SUGCT: variants seen among roughly 807,000 people sequenced by gnomAD.
SUGCT encodes succinyl-CoA:glutarate-CoA transferase.
A neutral mutation model predicts 55.0 loss-of-function variants in SUGCT; 41 were observed. The ratio of observed to expected loss-of-function variants is 0.74; its 90% CI spans 0.58 to 0.97. SUGCT has a LOEUF of 0.97. SUGCT is among the 50% of genes least tolerant of loss of function. The pLI is 0.00. For synonymous variants in SUGCT, 187 were observed against 200.4 expected (o/e 0.93, Z 0.56); for missense variants, 568 against 547.8 (o/e 1.04, Z -0.37).
intron 6 of SUGCT, among the ~76,000 whole-genome samples, chr7:40,196,815 T>C (rs1292283368): frequency 6.6e-6 from 1 of 152,034 alleles, no homozygotes; most frequent in African/African-American, 2.4e-5. Flanking sequence ...GCAGAGCACA[T>C]GATAGGGGTT....
chr7:40,694,422 G>T (rs1784833900), intron 12 of SUGCT, among the ~76,000 whole-genome samples: 2 of 152,204 alleles, frequency 1.3e-5, no homozygotes, highest in Admixed American at 6.5e-5. Context: ...CTGGCCCTTA[G>T]CTTCTTTGCA....
At chr7:40,872,699 T>C in the SUGCT span, among the ~76,000 whole-genome samples, 1 of 152,238 alleles carries the variant, frequency 6.6e-6, no homozygotes, top group Non-Finnish European at 1.5e-5. Flanking sequence ...AGAAAATAGA[T>C]GGACAGTTTT....
chr7:40,912,535 G>A, the SUGCT span, among the ~76,000 whole-genome samples: 1 of 152,010 alleles, frequency 6.6e-6, no homozygotes, highest in Non-Finnish European at 1.5e-5. Context: ...TTTTGTTTTG[G>A]TCGACAGTTG....
At chr7:40,798,200 C>T (rs921925407) in intron 13 of SUGCT, among the ~76,000 whole-genome samples, 2 of 152,128 alleles carry the variant, frequency 1.3e-5, no homozygotes, top group Non-Finnish European at 2.9e-5. Context: ...TTTTCCCTTC[C>T]CAGTGATCTT....
intron 1 of SUGCT, among the ~76,000 whole-genome samples, chr7:40,139,066 G>A (rs1045364325): frequency 6.6e-6 from 1 of 151,730 alleles, no homozygotes; most frequent in Non-Finnish European, 1.5e-5. Flanking sequence ...CTGAGGTCAG[G>A]AGTGAGCCGA....
At chr7:40,250,065 G>A (rs1790261185) in intron 7 of SUGCT, among the ~76,000 whole-genome samples, 1 of 152,124 alleles carries the variant, frequency 6.6e-6, no homozygotes, top group African/African-American at 2.4e-5. Flanking sequence ...GGGATTATAG[G>A]TGTGAGCCAC....
At chr7:40,905,534 A>T in the SUGCT span, among the ~76,000 whole-genome samples, 1 of 152,170 alleles carries the variant, frequency 6.6e-6, no homozygotes, top group African/African-American at 2.4e-5. Context: ...ATATAACGCC[A>T]TTTATTTTCT....
chr7:40,678,194 C>G (rs976666512), intron 12 of SUGCT, among the ~76,000 whole-genome samples: 2 of 152,206 alleles, frequency 1.3e-5, no homozygotes, highest in Non-Finnish European at 2.9e-5. Context: ...ACATCAAAGG[C>G]ATAGCTAGTA....
intron 7 of SUGCT, among the ~76,000 whole-genome samples, chr7:40,242,191 A>G (rs1355547297): frequency 1.4e-5 from 2 of 143,290 alleles, no homozygotes; most frequent in Non-Finnish European, 3.0e-5. Flanking sequence ...TTTTTTTTTC[A>G]GATAGAGTCC....
At chr7:40,274,364 C>A in intron 7 of SUGCT, 149 bp from the exon 8 acceptor site, 1 of 732,288 alleles carries the variant, frequency 1.4e-6, no homozygotes, top group Non-Finnish European at 2.1e-6. Flanking sequence ...TTCACAATAG[C>A]AATTTATTTT....
chr7:40,316,818 G>A lies in SUGCT; in HGVS notation c.779G>A (p.Arg260His), dbSNP rs192547523. Residue 260 changes from arginine (R) to histidine (H), a missense_variant, in exon 9 of 14, where the codon CGT (arginine) becomes CAT (histidine). By Grantham distance (29) the Arg-to-His change is conservative. Coordinates refer to ENST00000335693, the MANE Select transcript of SUGCT (RefSeq NM_001193313.2). ...NYLIGQKEAK[R>H]WGTAHGSIVP... ...CTTATTGGTCAAAAGGAAGCAAAAC[G>A]TTGGGGTACAGCTCATGGCAGTATC... 19 of 1,601,838 alleles carry A rather than the reference G, an allele frequency of 1.2e-5. No homozygotes were observed. The Admixed American group carries it at 1.2e-4, about 10-fold the overall frequency.
At chr7:40,152,045 G>T (rs143602004) in intron 1 of SUGCT, among the ~76,000 whole-genome samples, 24 of 152,262 alleles carry the variant, frequency 1.6e-4, no homozygotes, top group African/African-American at 5.1e-4. Flanking sequence ...GCATCAGAAC[G>T]CAGGGTCTAG....
At chr7:40,146,716 G>A (rs2150591815) in intron 1 of SUGCT, among the ~76,000 whole-genome samples, 1 of 152,338 alleles carries the variant, frequency 6.6e-6, no homozygotes, top group South Asian at 2.1e-4. Context: ...AAACCTTCCA[G>A]TGTGGGCATC....
the SUGCT span, among the ~76,000 whole-genome samples, chr7:40,991,088 C>T: frequency 2.8e-4 from 43 of 152,196 alleles, no homozygotes; most frequent in Non-Finnish European, 4.9e-4. Flanking sequence ...GTGTCTTCCT[C>T]GCTAAGCTTA....
At chr7:40,212,876 A>C (rs566603815) in intron 6 of SUGCT, among the ~76,000 whole-genome samples, 1 of 152,288 alleles carries the variant, frequency 6.6e-6, no homozygotes, top group South Asian at 2.1e-4. Flanking sequence ...GATTGATAAG[A>C]AACAAAAATA....
chr7:40,939,618 T>C, the SUGCT span, among the ~76,000 whole-genome samples: 1 of 152,198 alleles, frequency 6.6e-6, no homozygotes, highest in African/African-American at 2.4e-5. Context: ...TGGTTTTAAT[T>C]TGCATGTCCC....
intron 12 of SUGCT, among the ~76,000 whole-genome samples, chr7:40,730,975 C>A (rs1201121922): frequency 6.6e-6 from 1 of 152,050 alleles, no homozygotes; most frequent in Admixed American, 6.6e-5. Context: ...AATGAATGGA[C>A]AAGTAATAGA....
At chr7:40,254,308 G>A (rs772619236) in intron 7 of SUGCT, among the ~76,000 whole-genome samples, 17 of 151,200 alleles carry the variant, frequency 1.1e-4, no homozygotes, top group Non-Finnish European at 1.8e-4. Context: ...CCCTATTTGA[G>A]ATGTTTCTTT....
chr7:41,002,172 C>T, the SUGCT span, among the ~76,000 whole-genome samples: 1 of 152,128 alleles, frequency 6.6e-6, no homozygotes, highest in African/African-American at 2.4e-5. Context: ...AGGCACACAC[C>T]ATTATGCTTG....
Sources: gnomAD v4.1 joint callset for allele counts (sites outside exome capture counted in the v4.1 genomes callset) on GRCh38, gnomAD v4.1.1 for gene constraint, MANE v1.5 for transcripts, NCBI Gene and HGNC (gene_info 2026-07-23, HGNC 2026-07-21) for gene names.